The following MKLN1 variants were observed in gnomAD, a reference collection of about 807,000 sequenced individuals.
MKLN1 encodes the protein muskelin.
A neutral mutation model predicts 99.0 loss-of-function variants in MKLN1; 18 were observed. The observed-to-expected ratio is 0.18, with a 90% CI of 0.13 to 0.27. MKLN1 has a LOEUF of 0.27. Ranked by LOEUF, MKLN1 falls within the 10% of genes least tolerant of loss-of-function variation. MKLN1 has a pLI of 1.00. For synonymous variants in MKLN1, 288 were observed against 293.2 expected (o/e 0.98, Z 0.18); for missense variants, 621 against 875.9 (o/e 0.71, Z 3.67).
intron 2 of MKLN1, chr7:131,142,990 ACTGTAC>A (rs1444067340): frequency 8.1e-7 from 1 of 1,230,170 alleles, no homozygotes; most frequent in South Asian, 1.3e-5. Context: ...TCAAAAAAGT[ACTGTAC>A]CTATATAGTA....
At chr7:131,162,856 C>A (rs1287885488) in intron 2 of MKLN1, among the ~76,000 whole-genome samples, 1 of 152,184 alleles carries the variant, frequency 6.6e-6, no homozygotes, top group Non-Finnish European at 1.5e-5. Flanking sequence ...TAAAATATAG[C>A]ACTAAAATTA....
chr7:131,273,332 C>A (rs1797914999), intron 3 of MKLN1, among the ~76,000 whole-genome samples: 1 of 69,788 alleles, frequency 1.4e-5, no homozygotes, highest in Non-Finnish European at 2.8e-5. Context: ...CTGGCTTGAG[C>A]CTATTTTGGA....
At chr7:131,447,581 A>G (rs13228664) in intron 12 of MKLN1, among the ~76,000 whole-genome samples, 57,597 of 151,976 alleles carry the variant, frequency 0.38, 11,851 homozygotes, top group East Asian at 0.48. Context: ...CTCCTTCTAC[A>G]ATCCTAAGAT....
intron 3 of MKLN1, among the ~76,000 whole-genome samples, chr7:131,248,930 TTATC>T (rs1215456644): frequency 2.6e-5 from 4 of 152,194 alleles, no homozygotes; most frequent in Middle Eastern, 3.2e-3. Flanking sequence ...ATTTACTTAC[TTATC>T]TATGAACACT....
intron 3 of MKLN1, among the ~76,000 whole-genome samples, chr7:131,272,768 A>C (rs1247258506): frequency 6.6e-6 from 1 of 152,174 alleles, no homozygotes; most frequent in Non-Finnish European, 1.5e-5. Context: ...ACCCCTGATA[A>C]ACCCATCAGA....
chr7:131,180,737 C>G (rs1477826458), intron 2 of MKLN1, among the ~76,000 whole-genome samples: 1 of 151,190 alleles, frequency 6.6e-6, no homozygotes, highest in Non-Finnish European at 1.5e-5. Context: ...AGCTGTATAA[C>G]TTTTACTCAA....
chr7:131,112,984 T>C (rs550093617), intron 1 of MKLN1, among the ~76,000 whole-genome samples: 1 of 152,222 alleles, frequency 6.6e-6, no homozygotes, highest in Non-Finnish European at 1.5e-5. Context: ...TTATTCATTA[T>C]TGAGTGCTTG....
In MKLN1 at chr7:131,470,236, T is replaced by C. The variant is rs6947919; in HGVS notation, c.1929-606T>C. ...ATCATTGCATTATTGTGAGAATAGA[T>C]GAAGTGATACATGTAAAATACTTGA... On this transcript the variant is annotated intron_variant, in intron 15 of 17. Transcript: ENST00000352689. 2.5e-3 allele frequency among the ~76,000 whole-genome samples: 379 copies of C among 152,340 alleles called. 3 individuals carry two copies. Among genetic ancestry groups the C allele is most frequent in the African/African-American group, 8.6e-3 (358 of 41,578 alleles).
At chr7:131,410,653 A>G (rs1279429104) in intron 6 of MKLN1, among the ~76,000 whole-genome samples, 1 of 152,152 alleles carries the variant, frequency 6.6e-6, no homozygotes, top group East Asian at 1.9e-4. Flanking sequence ...GGGGAAAGAG[A>G]TTAGGATCCA....
rs1238484665 is a variant in MKLN1, at chr7:131,387,273, G to C, written c.311+11G>C. 6.2e-7 allele frequency: 1 copy of C among 1,603,628 alleles called. No homozygotes were observed. Among genetic ancestry groups the C allele is most frequent in the Admixed American group, 1.7e-5 (1 of 58,096 alleles). On this transcript the variant is annotated intron_variant, in intron 3 of 17. Coordinates refer to ENST00000352689, the MANE Select transcript of MKLN1 (RefSeq NM_013255.5). ...AGAGCTGTTGTCCAGGTGAGTTATGGTTATGTTGAAGAGAGCTGTCTTCTA... is the reference window on the plus strand; with the variant it reads ...AGAGCTGTTGTCCAGGTGAGTTATGCTTATGTTGAAGAGAGCTGTCTTCTA...
At chr7:131,474,724 A>G (rs1176025569) in intron 16 of MKLN1, among the ~76,000 whole-genome samples, 1 of 152,202 alleles carries the variant, frequency 6.6e-6, no homozygotes, top group Non-Finnish European at 1.5e-5. Context: ...TTGAAAAGGT[A>G]AATAAATTGA....
chr7:131,418,525 T>C (rs1276875775), intron 8 of MKLN1, among the ~76,000 whole-genome samples: 3 of 152,138 alleles, frequency 2.0e-5, no homozygotes, highest in Admixed American at 6.5e-5. Context: ...AAAAAGTCTC[T>C]TAATGTTTTA....
intron 1 of MKLN1, among the ~76,000 whole-genome samples, chr7:131,369,296 T>C (rs1324133971): frequency 6.6e-6 from 1 of 152,188 alleles, no homozygotes; most frequent in Non-Finnish European, 1.5e-5. Context: ...TTTTAGATTT[T>C]AATAAATTTT....
At chr7:131,461,455 G>A (rs182045869) in intron 12 of MKLN1, among the ~76,000 whole-genome samples, 18 of 149,924 alleles carry the variant, frequency 1.2e-4, no homozygotes, top group Non-Finnish European at 1.8e-4. Flanking sequence ...AAATTGTATG[G>A]TGTGTGTGTG....
intron 9 of MKLN1, among the ~76,000 whole-genome samples, chr7:131,429,585 T>C (rs1384599344): frequency 1.3e-5 from 2 of 152,190 alleles, no homozygotes; most frequent in Admixed American, 6.5e-5. Context: ...ATAAATGATA[T>C]ATATTATCTT....
intron 1 of MKLN1, among the ~76,000 whole-genome samples, chr7:131,116,205 A>T (rs1402671801): frequency 6.6e-6 from 1 of 151,486 alleles, no homozygotes; most frequent in Non-Finnish European, 1.5e-5. Flanking sequence ...ATATATATTC[A>T]TTGGGTGTTT....
intron 1 of MKLN1, among the ~76,000 whole-genome samples, chr7:131,336,337 T>A (rs552508828): frequency 8.5e-5 from 13 of 152,192 alleles, no homozygotes; most frequent in Admixed American, 2.0e-4. Context: ...AGCTTTATAT[T>A]TGGGGTCTGT....
chr7:131,467,469 G>A (rs949519678), intron 15 of MKLN1, among the ~76,000 whole-genome samples: 3 of 152,194 alleles, frequency 2.0e-5, no homozygotes, highest in Non-Finnish European at 2.9e-5. Flanking sequence ...AGACTGCACA[G>A]TGAAGATGGC....
chr7:131,138,865 A>ATGCG (rs1205100066), intron 1 of MKLN1, among the ~76,000 whole-genome samples: 1 of 152,212 alleles, frequency 6.6e-6, no homozygotes, highest in Non-Finnish European at 1.5e-5. Flanking sequence ...CAGTCATTGT[A>ATGCG]TGCGTCTTGG....
Sources: gnomAD v4.1 joint callset for allele counts (sites outside exome capture counted in the v4.1 genomes callset) on GRCh38, gnomAD v4.1.1 for gene constraint, MANE v1.5 for transcripts, NCBI Gene and HGNC (gene_info 2026-07-23, HGNC 2026-07-21) for gene names.